LASP1: variants seen among roughly 807,000 people sequenced by gnomAD.
LASP1 encodes the protein LIM and SH3 protein 1, also known as LIM and SH3 domain protein 1.
Under a neutral mutation model 38.6 loss-of-function variants are expected in LASP1, and 10 were observed. That is an observed-to-expected ratio of 0.26 (90% CI 0.16 to 0.44). LASP1 has a LOEUF of 0.44. Ranked by LOEUF, LASP1 falls within the 20% of genes least tolerant of loss-of-function variation. LASP1 has a pLI of 1.00. For missense variants in LASP1, 243 were observed against 375.7 expected (o/e 0.65, Z 2.92); for synonymous variants, 132 against 140.8 (o/e 0.94, Z 0.44).
intron 1 of LASP1, among the ~76,000 whole-genome samples, chr17:38,873,424 T>C (rs226221): frequency 0.84 from 127,362 of 152,206 alleles, 53,409 homozygotes; most frequent in South Asian, 0.9. Context: ...ACTCCATAAA[T>C]GGAGGCTCAG....
At chr17:38,893,613 C>G (rs1055696185) in intron 3 of LASP1, among the ~76,000 whole-genome samples, 1 of 152,154 alleles carries the variant, frequency 6.6e-6, no homozygotes, top group Admixed American at 6.5e-5. Flanking sequence ...TGTTCTGTCT[C>G]CCTTCCCACC....
chr17:38,892,115 G>A (rs1914345303), intron 3 of LASP1, among the ~76,000 whole-genome samples: 1 of 152,188 alleles, frequency 6.6e-6, no homozygotes, highest in Admixed American at 6.5e-5. Context: ...AAGAAATTGT[G>A]TAGTTCAGCA....
chr17:38,904,000 G>A (rs986816002), intron 4 of LASP1: 13 of 152,120 alleles, frequency 8.5e-5, no homozygotes, highest in African/African-American at 3.1e-4. Flanking sequence ...TCACTTTACT[G>A]GAGCCTCTTC....
rs1416488398 is a variant in LASP1 at position 38,921,718 on chromosome 17, A to C, written c.*2940A>C. 8.8e-6 allele frequency: 2 copies of C among 228,526 alleles called. No homozygotes were observed. The highest frequency in any genetic ancestry group is 4.4e-5 in the African/African-American group (2 of 45,080). The allele number at this position is 228,526 out of a possible 1,614,324, so 14.2% of individuals were successfully genotyped here. A position where few individuals can be genotyped will look rare whatever the true frequency, so the allele number is the denominator to read the frequency against. The stretch of plus-strand genomic sequence containing the variant: ...ATTCTGAACATTTGACTTGAACCAC[A>C]AGTGAATCTTTCTCCTGGTGACTCA... On this transcript the variant is annotated 3_prime_UTR_variant, in exon 7 of 7. Coordinates refer to ENST00000318008, the MANE Select transcript of LASP1 (RefSeq NM_006148.4).
intron 3 of LASP1, 26 bp from the exon 4 acceptor site, chr17:38,898,386 C>T: frequency 1.3e-6 from 2 of 1,520,122 alleles, no homozygotes; most frequent in Non-Finnish European, 1.8e-6. Context: ...GGCCTGACTC[C>T]AATCCCTCTT....
chr17:38,878,074 C>A lies in LASP1; in HGVS notation c.70-12C>A. On this transcript the variant is annotated splice_polypyrimidine_tract_variant and intron_variant, in intron 1 of 6. Coordinates refer to ENST00000318008, the MANE Select transcript of LASP1 (RefSeq NM_006148.4). Reference sequence around the variant, plus strand: ...TGGTATCTGATGTATGTCCTCCTGTCTCCATCCCCAGTTCTGGCATAAAGC... The same window carrying A: ...TGGTATCTGATGTATGTCCTCCTGTATCCATCCCCAGTTCTGGCATAAAGC... 1 of 1,603,448 alleles carries A rather than the reference C, an allele frequency of 6.2e-7. No homozygotes were observed. Among genetic ancestry groups the A allele is most frequent in the Non-Finnish European group, 8.5e-7 (1 of 1,170,336 alleles).
intron 4 of LASP1, among the ~76,000 whole-genome samples, chr17:38,911,536 T>TC (rs1306962484): frequency 1.3e-5 from 2 of 152,098 alleles, no homozygotes; most frequent in Non-Finnish European, 2.9e-5. Context: ...TCCCTTGTCT[T>TC]CCCCCACCAC....
At chr17:38,894,183 C>T (rs1352537972) in intron 3 of LASP1, among the ~76,000 whole-genome samples, 4 of 152,128 alleles carry the variant, frequency 2.6e-5, no homozygotes, top group African/African-American at 7.2e-5. Flanking sequence ...CTATCCCACC[C>T]CCAGGCTGAG....
chr17:38,875,604 A>G (rs1913747194), intron 1 of LASP1, among the ~76,000 whole-genome samples: 5 of 152,096 alleles, frequency 3.3e-5, no homozygotes, highest in Admixed American at 3.3e-4. Context: ...TCTGTTTAAT[A>G]TTCCACCATT....
In LASP1 at chr17:38,918,851, C is replaced by A; in HGVS notation, c.*73C>A. On this transcript the variant is annotated 3_prime_UTR_variant, in exon 7 of 7. Transcript: ENST00000318008. The surrounding 1 kb of genome is among the most constrained non-coding windows in gnomAD (Gnocchi z 4.4). Reference sequence around the variant, plus strand: ...CCGTCCTGGGCGTGACCCGTCCATTCTTCAGTGTCTCTGTTTTTTAAAACC... The same window carrying A: ...CCGTCCTGGGCGTGACCCGTCCATTATTCAGTGTCTCTGTTTTTTAAAACC... 6.6e-7 allele frequency: 1 copy of A among 1,509,158 alleles called. No homozygotes were observed. Among genetic ancestry groups the A allele is most frequent in the Non-Finnish European group, 9.1e-7 (1 of 1,104,040 alleles). The allele number at this position is 1,509,158 out of a possible 1,614,324, so 93.5% of individuals were successfully genotyped here. A position where few individuals can be genotyped will look rare whatever the true frequency, so the allele number is the denominator to read the frequency against.
At position 38,870,264 on chromosome 17, in the gene LASP1, C is replaced by G; in HGVS notation, c.69+6C>G. 6.2e-7 allele frequency: 1 copy of G among 1,613,330 alleles called. No individual in the cohort carries two copies. Among genetic ancestry groups the G allele is most frequent in the Non-Finnish European group, 8.5e-7 (1 of 1,179,564 alleles). ...AGGTGAACTGTCTGGATAAGGTGAG[C>G]CCGGGACCGGGAGACGCGTCTTTGC... On this transcript the variant is annotated splice_donor_region_variant and intron_variant, in intron 1 of 6. Transcript: ENST00000318008.
chr17:38,908,012 A>G (rs777074731), intron 4 of LASP1, among the ~76,000 whole-genome samples: 2 of 152,228 alleles, frequency 1.3e-5, no homozygotes, highest in Non-Finnish European at 2.9e-5. Context: ...GTCTGGTGAC[A>G]GTGCAGCCCA....
intron 1 of LASP1, among the ~76,000 whole-genome samples, chr17:38,872,625 G>A (rs1310429067): frequency 2.0e-5 from 3 of 152,134 alleles, no homozygotes; most frequent in Non-Finnish European, 4.4e-5. Flanking sequence ...CCAGGGAGGA[G>A]GGGAAACCTT....
intron 4 of LASP1, among the ~76,000 whole-genome samples, chr17:38,906,447 T>C (rs1003767845): frequency 6.6e-6 from 1 of 152,062 alleles, no homozygotes; most frequent in African/African-American, 2.4e-5. Flanking sequence ...GAGAATTGGT[T>C]GAACTTGGAA....
chr17:38,880,834 A>G (rs566267736), intron 2 of LASP1, among the ~76,000 whole-genome samples: 10 of 151,900 alleles, frequency 6.6e-5, no homozygotes, highest in South Asian at 4.2e-4. Context: ...GGCCTGGCAT[A>G]GTGGCTCACG....
At chr17:38,894,531 G>A (rs1476470679) in intron 3 of LASP1, among the ~76,000 whole-genome samples, 1 of 152,172 alleles carries the variant, frequency 6.6e-6, no homozygotes, top group African/African-American at 2.4e-5. Flanking sequence ...GGTGGTGTGA[G>A]ATAGGAGGAT....
rs188614809 is a variant in LASP1 at position 38,887,877 on chromosome 17, G to A, written c.165-2543G>A. 1.7e-3 allele frequency among the ~76,000 whole-genome samples: 262 copies of A among 152,272 alleles called. 1 individual carries two copies. Among genetic ancestry groups the A allele is most frequent in the African/African-American group, 6.1e-3 (252 of 41,550 alleles). On this transcript the variant is annotated intron_variant, in intron 2 of 6. Transcript: ENST00000318008. ...AGCTCTGATGCACGGCCATGTGGGC[G>A]GCAGGAGAACATGCCGAGCAGAGGG... is the stretch of plus-strand genomic sequence containing the variant.
intron 4 of LASP1, among the ~76,000 whole-genome samples, chr17:38,910,517 G>C (rs1198256221): frequency 2.0e-5 from 3 of 151,828 alleles, no homozygotes; most frequent in Non-Finnish European, 4.4e-5. Flanking sequence ...AGCCGGCTGT[G>C]GGCTGGATTT....
chr17:38,900,563 C>T lies in LASP1; in HGVS notation c.357+2044C>T, dbSNP rs139069828. ...TGGCGTGTGCCTGTAATCCCAGCTA[C>T]TTGGGAGGCTGAGACAGAAGAACCG... On this transcript the variant is annotated intron_variant, in intron 4 of 6. Coordinates refer to ENST00000318008, the MANE Select transcript of LASP1 (RefSeq NM_006148.4). 9.0e-3 allele frequency among the ~76,000 whole-genome samples: 1,366 copies of T among 152,084 alleles called. 17 individuals carry two copies. Among genetic ancestry groups the T allele is most frequent in the African/African-American group, 0.031 (1,276 of 41,466 alleles).
Sources: gnomAD v4.1 joint callset for allele counts (sites outside exome capture counted in the v4.1 genomes callset) on GRCh38, gnomAD v4.1.1 for gene constraint, Gnocchi (gnomAD v3.1) non-coding constraint, MANE v1.5 for transcripts, NCBI Gene and HGNC (gene_info 2026-07-23, HGNC 2026-07-21) for gene names.